ADAR: variants seen among roughly 807,000 people sequenced by gnomAD.
ADAR encodes double-stranded RNA-specific adenosine deaminase.
In ADAR, 41 loss-of-function variants were observed where a neutral mutation model predicts 113.2. That is an observed-to-expected ratio of 0.36 (90% confidence interval 0.28 to 0.47). The LOEUF (loss-of-function observed/expected upper bound fraction) is 0.47, where lower values mean the gene tolerates loss of function less well. Among genes scored for constraint, ADAR ranks in the 20% least tolerant of loss-of-function variants. The pLI is 1.00. For missense variants in ADAR, 1,242 were observed against 1,540.9 expected, an observed-to-expected ratio of 0.81 and a Z score of 3.25; for synonymous variants, 605 against 572.6, an observed-to-expected ratio of 1.06 and a Z score of -0.81.
chr1:154,615,446 G>A (rs190360577), intron 1 of ADAR, among the ~76,000 whole-genome samples: 1 of 152,322 alleles, frequency 6.6e-6, no homozygotes, highest in East Asian at 1.9e-4. Flanking sequence ...CAAGGTCTCT[G>A]TCACCCAGGC....
rs748776146 is a variant in ADAR, at chr1:154,585,269, C to A, written c.3391G>T (p.Ala1131Ser). The A allele has an allele frequency of 6.2e-7, 1 of 1,614,174 alleles. No homozygotes were observed. The highest frequency in any genetic ancestry group is 1.7e-5 in the Admixed American group (1 of 60,022). ...TKETSVNWCLADGYDLEILDG... is the reference protein window; with the variant it reads ...TKETSVNWCLSDGYDLEILDG... ...AGGATCTCCAGGTCATAGCCATCAG[C>A]CAGACACCAGTTGACGCTTGTCTCC... The change falls in exon 14 of 15, where the codon GCT becomes TCT. Residue 1131 changes from alanine (A) to serine (S), a missense_variant. Ala to Ser is a moderately conservative substitution (Grantham distance 99). This residue lies in a region of ADAR where 780 missense variants were observed against 1,057.9 expected (regional missense o/e 0.74). Coordinates refer to ENST00000368474, the MANE Select transcript of ADAR (RefSeq NM_001111.5).
intron 7 of ADAR, 46 bp downstream of exon 7, chr1:154,590,138 A>AGGTG: frequency 2.6e-6 from 3 of 1,173,776 alleles, no homozygotes; most frequent in Non-Finnish European, 3.7e-6. Flanking sequence ...AGGAGTTAGG[A>AGGTG]GGACCCCCCC....
upstream of ADAR, chr1:154,608,648 G>A (rs879475000): frequency 1.3e-5 from 2 of 152,436 alleles, no homozygotes; most frequent in Non-Finnish European, 2.9e-5. Flanking sequence ...GTCCGGTACT[G>A]TTTAGGAAAA....
chr1:154,585,914 T>C (rs757997567), intron 12 of ADAR, 49 bp from the exon 13 acceptor site: 4 of 1,515,098 alleles, frequency 2.6e-6, no homozygotes, highest in Non-Finnish European at 9.1e-7. Context: ...CACCAAATGC[T>C]GTTAAGAGGC....
upstream of ADAR, chr1:154,608,263 C>G (rs984946981): frequency 4.0e-6 from 2 of 500,654 alleles, no homozygotes; most frequent in Non-Finnish European, 7.0e-6. Context: ...GCAAATCTTG[C>G]GCCACGCTTG....
At chr1:154,611,909 G>T (rs1698497911), upstream of ADAR, among the ~76,000 whole-genome samples, 2 of 152,198 alleles carry the variant, frequency 1.3e-5, no homozygotes, top group African/African-American at 4.8e-5. Flanking sequence ...TGCATTCAGG[G>T]GGTGAGACTT....
chr1:154,591,212 G>A (rs1697124538), intron 6 of ADAR, among the ~76,000 whole-genome samples: 1 of 151,982 alleles, frequency 6.6e-6, no homozygotes, highest in Non-Finnish European at 1.5e-5. Flanking sequence ...GAAGTATGAG[G>A]AAGGCTTAAC....
chr1:154,590,355 G>C lies in ADAR; in HGVS notation c.2325C>G (p.His775Gln). ...GGRWFPAVCA[H>Q]SKKQGKQEAA... ...CTTCCTGCTTGCCTTGCTTCTTGCT[G>C]TGTGCGCAGACGGCTGGGAACCAGC... The change falls in exon 7 of 15, where the codon CAC becomes CAG. Residue 775 changes from histidine to glutamine, a missense_variant. By Grantham distance (24) the His-to-Gln change is conservative. Around this residue, in one of 2 missense-constraint regions of ADAR, gnomAD observed 780 missense variants for 1,057.9 expected, o/e 0.74. Coordinates refer to ENST00000368474, the MANE Select transcript of ADAR (RefSeq NM_001111.5). 1 of 1,614,124 alleles carries C rather than the reference G, an allele frequency of 6.2e-7. No homozygotes were observed. Among genetic ancestry groups the C allele is most frequent in the Non-Finnish European group, 8.5e-7 (1 of 1,180,040 alleles).
At chr1:154,592,121 T>C (rs1218155651) in intron 6 of ADAR, among the ~76,000 whole-genome samples, 1 of 152,244 alleles carries the variant, frequency 6.6e-6, no homozygotes, top group East Asian at 1.9e-4. Flanking sequence ...ACTAGCCAAA[T>C]GGGGCTATTG....
chr1:154,586,490 C>A, intron 11 of ADAR, 127 bp from the exon 12 acceptor site: 1 of 992,518 alleles, frequency 1.0e-6, no homozygotes, highest in Non-Finnish European at 1.5e-6. Context: ...TTTCACAGCC[C>A]CTGCTATGCG....
chr1:154,602,036 C>A lies in ADAR; in HGVS notation c.606G>T (p.Gln202His). 6.2e-7 allele frequency: 1 copy of A among 1,614,244 alleles called. No homozygotes were observed. The highest frequency in any genetic ancestry group is 1.3e-5 in the African/African-American group (1 of 75,064). The change falls in exon 2 of 15, where the codon CAG becomes CAT. Residue 202 changes from glutamine to histidine, a missense_variant. This residue lies in a region of ADAR where 462 missense variants were observed against 483.1 expected (regional missense o/e 0.96). Transcript: ENST00000368474. ...PPLWKIAVST[Q>H]AWNQHSGVVR... is the part of the protein sequence containing the mutation. ...CCACTCCGCTGTGCTGGTTCCAAGC[C>A]TGAGTGGAGACCGCGATTTTCCACA... is the stretch of plus-strand genomic sequence containing the variant.
chr1:154,585,757 G>A lies in ADAR; in HGVS notation c.3311C>T (p.Pro1104Leu). 6.2e-7 allele frequency: 1 copy of A among 1,612,564 alleles called. No individual in the cohort carries two copies. Among genetic ancestry groups the A allele is most frequent in the Non-Finnish European group, 8.5e-7 (1 of 1,178,626 alleles). The change falls in exon 13 of 15, where the codon CCC (proline) becomes CTC (leucine). Residue 1104 changes from proline to leucine, a missense_variant. Physicochemically the swap from Pro to Leu is moderately conservative, Grantham distance 98. Around this residue, in one of 2 missense-constraint regions of ADAR, gnomAD observed 780 missense variants for 1,057.9 expected, o/e 0.74. Coordinates refer to ENST00000368474, the MANE Select transcript of ADAR (RefSeq NM_001111.5). ...AATAGAAGGGGGTTATAGCACCTTG[G>A]GGTGGTTGACAATAAAGGGATGTCG... Reference protein sequence around the residue: ...GLRHPFIVNHPKVGRVSIYDS... With the variant: ...GLRHPFIVNHLKVGRVSIYDS...
Position 154,601,730 on chromosome 1 carries a change from G to A in ADAR, c.912C>T (p.Cys304=), listed in dbSNP as rs374863496. 7 of 1,614,186 alleles carry A rather than the reference G, an allele frequency of 4.3e-6. No homozygotes were observed. The highest frequency in any genetic ancestry group is 1.1e-5 in the South Asian group (1 of 91,088). ...LDMAEIKEKI[C]DYLFNVSDSS... ...AGTCAGACACATTGAAGAGATAGTC[G>A]CAGATTTTCTCCTTGATCTCGGCCA... Residue 304 remains cysteine (C), a synonymous_variant, in exon 2 of 15, where the codon TGC becomes TGT. Transcript: ENST00000368474. This position sits in a 1 kb window ranked among gnomAD's most constrained non-coding sequence, Gnocchi z 4.7.
chr1:154,585,615 C>T, intron 13 of ADAR, 138 bp downstream of exon 13: 8 of 900,672 alleles, frequency 8.9e-6, no homozygotes, highest in Non-Finnish European at 1.2e-5. Context: ...TGGTGGTGGG[C>T]CACTGTGGGC....
At chr1:154,616,238 T>C (rs1363939525) in intron 1 of ADAR, among the ~76,000 whole-genome samples, 4 of 152,198 alleles carry the variant, frequency 2.6e-5, no homozygotes, top group African/African-American at 9.7e-5. Flanking sequence ...ATATCAAATA[T>C]TTACATTATT....
rs1483631816 is a variant in ADAR, at chr1:154,601,245, A to G, written c.1397T>C (p.Ile466Thr). ...TCGAAACTCACCTGGTGCTGCGCGG[A>G]TACTATTCAAGTCATCTGGGATGTC... ...TDDIPDDLNSIRAAPGEFRAI... is the reference protein window; with the variant it reads ...TDDIPDDLNSTRAAPGEFRAI... Residue 466 changes from isoleucine to threonine, a missense_variant, in exon 2 of 15, where the codon ATC becomes ACC. Ile to Thr is a moderately conservative substitution (Grantham distance 89). This residue lies in a region of ADAR where 780 missense variants were observed against 1,057.9 expected (regional missense o/e 0.74). Transcript: ENST00000368474. The surrounding 1 kb of genome is among the most constrained non-coding windows in gnomAD (Gnocchi z 4.7). 1 of 1,614,194 alleles carries G rather than the reference A, an allele frequency of 6.2e-7. No individual in the cohort carries two copies. The highest frequency in any genetic ancestry group is 1.3e-5 in the African/African-American group (1 of 75,036).
intron 1 of ADAR, among the ~76,000 whole-genome samples, chr1:154,626,956 C>A (rs554379147): frequency 1.1e-4 from 16 of 152,200 alleles, no homozygotes; most frequent in Non-Finnish European, 8.8e-5. Context: ...CAGTTTGACG[C>A]CCCTGCCTTC....
In ADAR at chr1:154,623,675, T is replaced by G. The variant is rs1234913707; in HGVS notation, c.-871+4180A>C. Among the ~76,000 whole-genome samples the G allele has an allele frequency of 3.3e-5, 5 of 152,170 alleles. No homozygotes were observed. The South Asian group carries it at 1.0e-3, about 32-fold the overall frequency. On this transcript the variant is annotated intron_variant, in intron 1 of 14. Coordinates refer to the ADAR transcript ENST00000368471. The stretch of plus-strand genomic sequence containing the variant: ...AGCCATCAGGTCATAGGCTTGGGGT[T>G]GCTGACAGGGAGCTTTTTCAGTATG...
intron 1 of ADAR, among the ~76,000 whole-genome samples, chr1:154,615,595 G>A (rs914635293): frequency 6.6e-6 from 1 of 151,506 alleles, no homozygotes; most frequent in Non-Finnish European, 1.5e-5. Flanking sequence ...ATTTTTTTTC[G>A]TAGAAATAGG....
Sources: allele counts gnomAD v4.1 joint callset (sites outside exome capture counted in the v4.1 genomes callset), GRCh38; gene constraint gnomAD v4.1.1; regional missense constraint gnomAD v4.1.1; non-coding constraint Gnocchi (gnomAD v3.1); transcripts MANE v1.5; gene names NCBI Gene and HGNC (gene_info 2026-07-23, HGNC 2026-07-21).